The following RAP1GAP2 variants were observed in gnomAD, a reference collection of about 807,000 sequenced individuals.
RAP1GAP2 encodes rap1 GTPase-activating protein 2.
In RAP1GAP2, 27 loss-of-function variants were observed where a neutral mutation model predicts 95.0. The ratio of observed to expected loss-of-function variants is 0.28; its 90% confidence interval spans 0.21 to 0.39. The LOEUF (loss-of-function observed/expected upper bound fraction) is 0.39, where lower values mean the gene tolerates loss of function less well. Among genes scored for constraint, RAP1GAP2 ranks in the 10% least tolerant of loss-of-function variants. The probability of loss-of-function intolerance (pLI) is 1.00; values close to 1 mark genes in which losing one functional copy is unlikely to be tolerated. For synonymous variants in RAP1GAP2, 373 were observed against 380.9 expected (o/e 0.98, Z 0.24); for missense variants, 771 against 970.0 (o/e 0.79, Z 2.72).
intron 3 of RAP1GAP2, among the ~76,000 whole-genome samples, chr17:2,938,393 C>G (rs1018505182): frequency 6.6e-6 from 1 of 152,056 alleles, no homozygotes; most frequent in African/African-American, 2.4e-5. Context: ...TTGCTTTCCT[C>G]TCAAAGCTGG....
At chr17:2,848,504 T>C (rs1443738430) in intron 2 of RAP1GAP2, among the ~76,000 whole-genome samples, 9 of 150,272 alleles carry the variant, frequency 6.0e-5, no homozygotes, top group Non-Finnish European at 1.5e-5. Flanking sequence ...TTTCCTTCTT[T>C]TTTTTTTTTT....
intron 19 of RAP1GAP2, among the ~76,000 whole-genome samples, chr17:3,025,438 G>T (rs1597902837): frequency 6.6e-6 from 1 of 152,314 alleles, no homozygotes; most frequent in Non-Finnish European, 1.5e-5. Context: ...GGAGCACTGT[G>T]GGCACTGTCC....
At chr17:2,823,339 C>T (rs779969269) in intron 2 of RAP1GAP2, among the ~76,000 whole-genome samples, 20 of 152,208 alleles carry the variant, frequency 1.3e-4, no homozygotes, top group Non-Finnish European at 2.9e-4. Context: ...GGAACCCAAC[C>T]TTTGTCAGGG....
At chr17:2,999,478 G>A (rs1161433350) in intron 14 of RAP1GAP2, among the ~76,000 whole-genome samples, 4 of 152,210 alleles carry the variant, frequency 2.6e-5, no homozygotes, top group Non-Finnish European at 4.4e-5. Context: ...CTGTTCTAAG[G>A]GGGAGGAAAG....
upstream of RAP1GAP2, among the ~76,000 whole-genome samples, chr17:2,791,570 G>C (rs1462094316): frequency 6.6e-6 from 1 of 152,194 alleles, no homozygotes; most frequent in African/African-American, 2.4e-5. Flanking sequence ...GGGTTAATTT[G>C]GTTGGATTCC....
intron 2 of RAP1GAP2, among the ~76,000 whole-genome samples, chr17:2,849,603 C>A (rs2071741707): frequency 6.6e-6 from 1 of 152,202 alleles, no homozygotes; most frequent in Admixed American, 6.5e-5. Context: ...AGGCCTGATT[C>A]CCACCCAGGC....
intron 1 of RAP1GAP2, among the ~76,000 whole-genome samples, chr17:2,757,939 G>A (rs186351281): frequency 1.3e-5 from 2 of 151,452 alleles, no homozygotes; most frequent in South Asian, 2.1e-4. Flanking sequence ...GCGCGATCTC[G>A]GCTCACTGCA....
intron 3 of RAP1GAP2, among the ~76,000 whole-genome samples, chr17:2,939,742 C>T (rs1044340645): frequency 3.1e-4 from 47 of 152,322 alleles, no homozygotes; most frequent in Non-Finnish European, 5.0e-4. Flanking sequence ...CCCCAGTGGG[C>T]GTCCATTCAT....
chr17:2,950,906 C>T (rs541592348), intron 3 of RAP1GAP2, among the ~76,000 whole-genome samples: 15 of 152,278 alleles, frequency 9.9e-5, no homozygotes, highest in East Asian at 3.9e-4. Context: ...CCACCGCGCC[C>T]GGCCTGCTTC....
intron 8 of RAP1GAP2, among the ~76,000 whole-genome samples, chr17:2,969,589 A>G (rs2044769981): frequency 7.1e-6 from 1 of 141,702 alleles, no homozygotes; most frequent in Admixed American, 7.9e-5. Context: ...GCAACCTGCA[A>G]CTCCCAGGTT....
At chr17:3,026,153 C>T (rs781683656) in intron 20 of RAP1GAP2, 32 bp downstream of exon 20, 8 of 1,537,584 alleles carry the variant, frequency 5.2e-6, no homozygotes, top group Middle Eastern at 1.7e-4. Flanking sequence ...AGGCCAGCTT[C>T]GGCCACGTGG....
At chr17:2,766,899 T>C (rs1425133609) in intron 1 of RAP1GAP2, among the ~76,000 whole-genome samples, 1 of 151,836 alleles carries the variant, frequency 6.6e-6, no homozygotes, top group African/African-American at 2.4e-5. Context: ...TCAAACTGCC[T>C]CTCCCCGGGG....
chr17:3,030,922 A>G lies in RAP1GAP2; in HGVS notation c.2108A>G (p.Asp703Gly). ...CTTTCATGGCCGTTCTTTTTCTTAG[A>G]TGCCAAAAGCAGAAACTCCCCGAGA... ...TPIIMSRSPTDAKSRNSPRSN... is the reference protein window; with the variant it reads ...TPIIMSRSPTGAKSRNSPRSN... Residue 703 changes from aspartate (D) to glycine (G), a missense_variant and splice_region_variant, in exon 23 of 25, where the codon GAT (aspartate) becomes GGT (glycine). By Grantham distance (94) the Asp-to-Gly change is moderately conservative (BLOSUM62 -1). Transcript: ENST00000254695. 2 of 1,607,708 alleles carry G rather than the reference A, an allele frequency of 1.2e-6. No individual in the cohort carries two copies. The highest frequency in any genetic ancestry group is 1.7e-6 in the Non-Finnish European group (2 of 1,177,024).
At chr17:3,025,941 G>C in intron 19 of RAP1GAP2, 67 bp from the exon 20 acceptor site, 1 of 1,210,096 alleles carries the variant, frequency 8.3e-7, no homozygotes, top group Non-Finnish European at 1.2e-6. Flanking sequence ...GCTCTGCCTG[G>C]GGCCGTGGAT....
At chr17:2,945,285 C>T (rs1006074735) in intron 3 of RAP1GAP2, among the ~76,000 whole-genome samples, 1 of 152,028 alleles carries the variant, frequency 6.6e-6, no homozygotes, top group East Asian at 1.9e-4. Context: ...CTGATTGTGT[C>T]TCTCCGATTG....
intron 2 of RAP1GAP2, among the ~76,000 whole-genome samples, chr17:2,872,007 T>C (rs2072866275): frequency 6.6e-6 from 1 of 151,972 alleles, no homozygotes; most frequent in South Asian, 2.1e-4. Flanking sequence ...GTGAATCACC[T>C]GAGGCCAGGA....
chr17:2,924,666 C>T (rs575291364), intron 3 of RAP1GAP2, among the ~76,000 whole-genome samples: 8 of 151,916 alleles, frequency 5.3e-5, no homozygotes, highest in South Asian at 4.2e-4. Context: ...TTTGCTTCCC[C>T]GAGGATCATA....
intron 2 of RAP1GAP2, among the ~76,000 whole-genome samples, chr17:2,842,903 CCTT>C (rs1261574876): frequency 2.6e-5 from 4 of 152,186 alleles, no homozygotes; most frequent in Non-Finnish European, 4.4e-5. Context: ...ATGGAATCCT[CCTT>C]CTTTTCTCTC....
chr17:2,848,349 C>T (rs942488406), intron 2 of RAP1GAP2, among the ~76,000 whole-genome samples: 5 of 152,020 alleles, frequency 3.3e-5, no homozygotes, highest in Admixed American at 1.3e-4. Context: ...TTGAGGCCTC[C>T]GAGTCCTGGC....
Sources: gnomAD v4.1 joint callset for allele counts (sites outside exome capture counted in the v4.1 genomes callset) on GRCh38, gnomAD v4.1.1 for gene constraint, MANE v1.5 for transcripts, NCBI Gene and HGNC (gene_info 2026-07-23, HGNC 2026-07-21) for gene names.